The following NEGR1 variants were observed in gnomAD, a reference collection of about 807,000 sequenced individuals.
NEGR1 encodes neuronal growth regulator 1.
In NEGR1, 10 loss-of-function variants were observed where a neutral mutation model predicts 40.9. The ratio of observed to expected loss-of-function variants is 0.24; its 90% CI spans 0.15 to 0.42. NEGR1 has a LOEUF of 0.42. NEGR1 is among the 10% of genes least tolerant of loss of function. The probability of loss-of-function intolerance (pLI) is 1.00; values close to 1 mark genes in which losing one functional copy is unlikely to be tolerated. For missense variants in NEGR1, 352 were observed against 438.9 expected, an observed-to-expected ratio of 0.80 and a Z score of 1.77; for synonymous variants, 185 against 166.8, an observed-to-expected ratio of 1.11 and a Z score of -0.84.
At chr1:71,819,483 T>C (rs909813938) in intron 2 of NEGR1, among the ~76,000 whole-genome samples, 6 of 151,860 alleles carry the variant, frequency 4.0e-5, no homozygotes, top group Admixed American at 6.6e-5. Context: ...GGAATGATCA[T>C]AGAATAAGAA....
chr1:72,281,520 T>C (rs1463643674), intron 1 of NEGR1, among the ~76,000 whole-genome samples: 1 of 150,540 alleles, frequency 6.6e-6, no homozygotes, highest in East Asian at 2.0e-4. Context: ...TGGGAAACGG[T>C]ATGGGGAGAG....
chr1:71,903,279 A>G (rs1256318070), intron 2 of NEGR1, among the ~76,000 whole-genome samples: 3 of 151,978 alleles, frequency 2.0e-5, no homozygotes, highest in Non-Finnish European at 4.4e-5. Context: ...ATTATATTTA[A>G]TAAATACATT....
chr1:72,116,502 G>A (rs1649585038), intron 1 of NEGR1, among the ~76,000 whole-genome samples: 1 of 151,676 alleles, frequency 6.6e-6, no homozygotes, highest in African/African-American at 2.4e-5. Context: ...AATCATTAGT[G>A]CATTGTTCTA....
At chr1:71,972,312 A>G (rs976709268) in intron 1 of NEGR1, among the ~76,000 whole-genome samples, 9 of 152,216 alleles carry the variant, frequency 5.9e-5, no homozygotes, top group Non-Finnish European at 1.3e-4. Flanking sequence ...AGACCTAAGG[A>G]TATTTCACTA....
At chr1:72,135,404 C>CAAAAAAAA (rs562148946) in intron 1 of NEGR1, among the ~76,000 whole-genome samples, 8 of 65,790 alleles carry the variant, frequency 1.2e-4, no homozygotes, top group East Asian at 5.0e-4. Flanking sequence ...AAACAAAAAA[C>CAAAAAAAA]AAAAAAAAAA....
At chr1:71,621,896 T>C (rs1650621563) in intron 4 of NEGR1, among the ~76,000 whole-genome samples, 1 of 151,844 alleles carries the variant, frequency 6.6e-6, no homozygotes, top group South Asian at 2.1e-4. Context: ...TTAGAGGCCA[T>C]AGATGATGGA....
chr1:72,248,779 C>T (rs1184766696), intron 1 of NEGR1, among the ~76,000 whole-genome samples: 4 of 151,526 alleles, frequency 2.6e-5, no homozygotes, highest in Non-Finnish European at 4.4e-5. Context: ...AACATGGTTT[C>T]GCCATGTTGG....
Position 71,726,282 on chromosome 1 carries a change from G to T in NEGR1, c.536-28143C>A, listed in dbSNP as rs1387194864. On this transcript the variant is annotated intron_variant, in intron 3 of 6. Transcript: ENST00000357731. ...AGTTTGAGAGTGAGTAAGAAAAAGA[G>T]AAATTCTGAGAGATCCTTCTGATTT... Among the ~76,000 whole-genome samples the T allele has an allele frequency of 2.0e-5, 3 of 152,088 alleles. 1 individual carries two copies. Among genetic ancestry groups the T allele is most frequent in the Non-Finnish European group, 4.4e-5 (3 of 68,012 alleles).
intron 4 of NEGR1, among the ~76,000 whole-genome samples, chr1:71,644,937 T>G (rs1651482700): frequency 6.6e-6 from 1 of 151,912 alleles, no homozygotes; most frequent in Non-Finnish European, 1.5e-5. Context: ...AGGACTATTT[T>G]TTCCCCTCAA....
intron 3 of NEGR1, among the ~76,000 whole-genome samples, chr1:71,723,537 G>C (rs943186195): frequency 1.3e-5 from 2 of 152,026 alleles, no homozygotes; most frequent in African/African-American, 2.4e-5. Flanking sequence ...ATCCAACAGG[G>C]CTCAGGGAGC....
chr1:71,713,350 T>A (rs923894385), intron 3 of NEGR1, among the ~76,000 whole-genome samples: 6 of 152,194 alleles, frequency 3.9e-5, no homozygotes, highest in South Asian at 2.1e-4. Flanking sequence ...TATAATCCTA[T>A]AAATTAGTTG....
intron 1 of NEGR1, among the ~76,000 whole-genome samples, chr1:72,087,090 G>A (rs1318299826): frequency 6.6e-6 from 1 of 152,086 alleles, no homozygotes; most frequent in Non-Finnish European, 1.5e-5. Flanking sequence ...TAAATTCTAA[G>A]GCTCTCCAAA....
At chr1:71,933,586 G>A (rs956803084) in intron 2 of NEGR1, among the ~76,000 whole-genome samples, 1 of 151,952 alleles carries the variant, frequency 6.6e-6, no homozygotes, top group East Asian at 1.9e-4. Flanking sequence ...AATAACATAA[G>A]AAATGTGTTT....
chr1:72,072,498 A>G (rs1647511303), intron 1 of NEGR1, among the ~76,000 whole-genome samples: 1 of 152,198 alleles, frequency 6.6e-6, no homozygotes. Flanking sequence ...CTGCATGAAA[A>G]GTGGATCTAA....
chr1:71,966,421 T>C (rs866641524), intron 1 of NEGR1, among the ~76,000 whole-genome samples: 4 of 152,222 alleles, frequency 2.6e-5, no homozygotes, highest in Non-Finnish European at 4.4e-5. Context: ...AGAATAGGCC[T>C]CAATGCTCCT....
intron 6 of NEGR1, among the ~76,000 whole-genome samples, chr1:71,451,334 T>TA (rs1646626555): frequency 1.0e-3 from 1 of 986 alleles, no homozygotes; most frequent in Admixed American, 0.033. Flanking sequence ...GTGCTACAGA[T>TA]TTTTTTTTTT....
chr1:71,708,601 T>C (rs1224455304), intron 3 of NEGR1, among the ~76,000 whole-genome samples: 1 of 131,508 alleles, frequency 7.6e-6, no homozygotes, highest in Non-Finnish European at 1.7e-5. Flanking sequence ...ACAGAGTTTT[T>C]ATTTTTTTTT....
intron 5 of NEGR1, among the ~76,000 whole-genome samples, chr1:71,603,954 A>G (rs1649999635): frequency 6.6e-6 from 1 of 152,206 alleles, no homozygotes. Context: ...ATGAGTGAGC[A>G]CTAAAGTAGT....
At chr1:72,266,704 T>C (rs1655651178) in intron 1 of NEGR1, among the ~76,000 whole-genome samples, 1 of 132,300 alleles carries the variant, frequency 7.6e-6, no homozygotes, top group Non-Finnish European at 1.6e-5. Flanking sequence ...AGTGTGTGTG[T>C]ATATATATAT....
Sources: gnomAD v4.1 joint callset for allele counts (sites outside exome capture counted in the v4.1 genomes callset) on GRCh38, gnomAD v4.1.1 for gene constraint, MANE v1.5 for transcripts, NCBI Gene and HGNC (gene_info 2026-07-23, HGNC 2026-07-21) for gene names.